SBF1: variants seen among roughly 807,000 people sequenced by gnomAD.
The protein encoded by SBF1 is myotubularin-related protein 5.
SBF1 carries 65 observed loss-of-function variants against 215.8 expected under a neutral mutation model. The observed-to-expected ratio is 0.30, with a 90% CI of 0.25 to 0.37. The LOEUF is 0.37. Ranked by LOEUF, SBF1 falls within the 10% of genes least tolerant of loss-of-function variation. The pLI is 1.00. For synonymous variants in SBF1, 1,410 were observed against 1,122.8 expected (o/e 1.26, Z -5.11); for missense variants, 2,634 against 2,667.8 (o/e 0.99, Z 0.28).
In SBF1 at chr22:50,448,581, T is replaced by G. The variant is rs1363779856; in HGVS notation, c.5113A>C (p.Lys1705Gln). 6.2e-6 allele frequency: 10 copies of G among 1,612,028 alleles called. No individual in the cohort carries two copies. The highest frequency in any genetic ancestry group is 1.3e-5 in the African/African-American group (1 of 74,948). The change falls in exon 37 of 41, where the codon AAG (lysine) becomes CAG (glutamine). Residue 1705 changes from lysine to glutamine, a missense_variant. Transcript: ENST00000380817. ...CGGCCCTCGAGGCGCTGTGCAGCCT[T>G]CACCCGGTCCCAGGTGTCCTTCCAG... ...ERWKDTWDRV[K>Q]AAQRLEGRPD...
intron 36 of SBF1, among the ~76,000 whole-genome samples, chr22:50,452,327 A>G (rs1169154816): frequency 1.3e-5 from 2 of 152,156 alleles, no homozygotes; most frequent in Non-Finnish European, 2.9e-5. Flanking sequence ...TAATAACCAG[A>G]CCAGATTATA....
At chr22:50,473,626 G>C (rs890996330) in intron 1 of SBF1, among the ~76,000 whole-genome samples, 2 of 152,174 alleles carry the variant, frequency 1.3e-5, no homozygotes, top group Non-Finnish European at 2.9e-5. Context: ...GGAAGTGTAG[G>C]GGGGTGTCCA....
Position 50,462,613 on chromosome 22 carries a change from C to T in SBF1, c.2073G>A (p.Gln691=). 2 of 1,612,708 alleles carry T rather than the reference C, an allele frequency of 1.2e-6. No homozygotes were observed. The highest frequency in any genetic ancestry group is 1.7e-6 in the Non-Finnish European group (2 of 1,179,764). Residue 691 remains glutamine (Q), a synonymous_variant, in exon 18 of 41, where the codon CAG becomes CAA. Coordinates refer to ENST00000380817, the MANE Select transcript of SBF1 (RefSeq NM_002972.4). ...CCAGGTAGAGGGCCCGGATGTGAGT[C>T]TGCACATCCCCATAGAACATGGCCT... ...FWEAMFYGDV[Q]THIRALYLEP...
rs544622584 is a variant in SBF1, at chr22:50,460,626, C to A, written c.3054G>T (p.Pro1018=). The A allele has an allele frequency of 1.9e-6, 3 of 1,613,942 alleles. No homozygotes were observed. Among genetic ancestry groups the A allele is most frequent in the Non-Finnish European group, 2.5e-6 (3 of 1,180,040 alleles). Residue 1018 remains proline (P), a synonymous_variant, in exon 24 of 41, where the codon CCG becomes CCT. Transcript: ENST00000380817. The stretch of plus-strand genomic sequence containing the variant: ...TGAACGCAAAGGTGGCCCTGATGTC[C>A]GGCGGGTACCGCAGCTTATGCAGCT... The part of the protein sequence containing the change: ...RKQLHKLRYP[P]DIRATFAFTL...
At chr22:50,457,363 C>T in intron 28 of SBF1, 2 of 420,548 alleles carry the variant, frequency 4.8e-6, no homozygotes, top group East Asian at 7.3e-5. Flanking sequence ...CCGGGCTCTC[C>T]TCTAACACTT....
rs190647894 is a variant in SBF1, at chr22:50,446,661, C to A, written c.*481G>T. 14 of 368,266 alleles carry A rather than the reference C, an allele frequency of 3.8e-5. No individual in the cohort carries two copies. Among genetic ancestry groups the A allele is most frequent in the Non-Finnish European group, 7.0e-5 (13 of 186,114 alleles). The allele number at this position is 368,266 out of a possible 1,614,324, so 22.8% of individuals were successfully genotyped here. On this transcript the variant is annotated 3_prime_UTR_variant, in exon 41 of 41. Coordinates refer to ENST00000380817, the MANE Select transcript of SBF1 (RefSeq NM_002972.4). ...AAGTCACTCCCAGGGACATGCAGGCCGAGCTGGGTGGACCCAGGCACCAGG... is the reference window on the plus strand; with the variant it reads ...AAGTCACTCCCAGGGACATGCAGGCAGAGCTGGGTGGACCCAGGCACCAGG...
chr22:50,472,670 G>C (rs893511200), intron 1 of SBF1, among the ~76,000 whole-genome samples: 3 of 152,156 alleles, frequency 2.0e-5, no homozygotes, highest in African/African-American at 4.8e-5. Context: ...CAACTGGCTC[G>C]AAGTCACAAG....
chr22:50,452,140 T>TAAA (rs374473892), intron 36 of SBF1, among the ~76,000 whole-genome samples: 14 of 113,172 alleles, frequency 1.2e-4, no homozygotes, highest in Non-Finnish European at 1.3e-4. Flanking sequence ...ACTGCTGAAT[T>TAAA]AAAAAAAAAA....
At position 50,460,174 on chromosome 22, in the gene SBF1, C is replaced by T. The variant is rs752655390; in HGVS notation, c.3284-15G>A. On this transcript the variant is annotated splice_polypyrimidine_tract_variant and intron_variant, in intron 25 of 40. Coordinates refer to ENST00000380817, the MANE Select transcript of SBF1 (RefSeq NM_002972.4). ...CTCCTCCGACACTGCACAGGCCGGG[C>T]ACACGTGGTCATCACGGGGCCACTC... 2 of 1,609,352 alleles carry T rather than the reference C, an allele frequency of 1.2e-6. No individual in the cohort carries two copies. The highest frequency in any genetic ancestry group is 1.7e-5 in the Admixed American group (1 of 59,994).
intron 1 of SBF1, among the ~76,000 whole-genome samples, chr22:50,472,039 G>A (rs1050479888): frequency 3.1e-4 from 47 of 152,336 alleles, no homozygotes; most frequent in African/African-American, 1.1e-3. Flanking sequence ...CCTCAGCACT[G>A]GCCACGCTGT....
chr22:50,450,384 G>C (rs1210173756), intron 36 of SBF1, among the ~76,000 whole-genome samples: 4 of 152,084 alleles, frequency 2.6e-5, no homozygotes, highest in Non-Finnish European at 5.9e-5. Context: ...AGCTGGGCAT[G>C]GTGGCGGGCA....
chr22:50,460,247 C>T, intron 25 of SBF1, 25 bp downstream of exon 25: 1 of 1,601,496 alleles, frequency 6.2e-7, no homozygotes, highest in Non-Finnish European at 8.5e-7. Flanking sequence ...AGAGACCACC[C>T]AGGACTCCAC....
intron 36 of SBF1, 42 bp downstream of exon 36, chr22:50,454,469 GA>G: frequency 1.3e-6 from 2 of 1,525,974 alleles, no homozygotes; most frequent in Non-Finnish European, 1.8e-6. Flanking sequence ...TGAGCGAGAG[GA>G]GGGGGGTGCC....
intron 29 of SBF1, 65 bp from the exon 30 acceptor site, chr22:50,456,738 G>T: frequency 7.3e-7 from 1 of 1,369,872 alleles, no homozygotes; most frequent in Non-Finnish European, 9.7e-7. Flanking sequence ...GGGGCTGGCT[G>T]GGCCCGGCCT....
Position 50,466,043 on chromosome 22 carries a change from C to T in SBF1, c.929G>A (p.Gly310Glu). Residue 310 changes from glycine to glutamate, a missense_variant, in exon 9 of 41, where the codon GGG becomes GAG. Physicochemically the swap from Gly to Glu is moderately conservative, Grantham distance 98 (BLOSUM62 -2). Coordinates refer to ENST00000380817, the MANE Select transcript of SBF1 (RefSeq NM_002972.4). Reference protein sequence around the residue: ...LDVIVADLDGGTVTIPECVHI... With the variant: ...LDVIVADLDGETVTIPECVHI... The stretch of plus-strand genomic sequence containing the variant: ...CACACACTCAGGAATGGTGACCGTC[C>T]CTCCATCCAGATCAGCAACAATCAC... 2 of 1,613,882 alleles carry T rather than the reference C, an allele frequency of 1.2e-6. No homozygotes were observed. The highest frequency in any genetic ancestry group is 1.7e-6 in the Non-Finnish European group (2 of 1,180,034).
intron 1 of SBF1, 116 bp downstream of exon 1, chr22:50,474,664 CTCCCGA>C (rs2068112823): frequency 2.5e-6 from 2 of 790,464 alleles, no homozygotes; most frequent in Non-Finnish European, 3.6e-6. Flanking sequence ...AGTCCTCGGC[CTCCCGA>C]CCCAGCCCCC....
chr22:50,454,891 C>A lies in SBF1; in HGVS notation c.4735G>T (p.Val1579Leu), dbSNP rs1349773838. The A allele has an allele frequency of 8.1e-6, 13 of 1,614,000 alleles. No homozygotes were observed. The highest frequency in any genetic ancestry group is 1.0e-5 in the Non-Finnish European group (12 of 1,180,026). Residue 1579 changes from valine to leucine, a missense_variant, in exon 35 of 41, where the codon GTG becomes TTG. Val to Leu is a conservative substitution (Grantham distance 32, BLOSUM62 1). Coordinates refer to ENST00000380817, the MANE Select transcript of SBF1 (RefSeq NM_002972.4). ...CTCAGCCGGTCCACATACTCCCACA[C>A]AGACCTGCACGGCACCTGGCCCCTG... ...ERRGQVPCRSVWEYVDRLSKR... is the reference protein window; with the variant it reads ...ERRGQVPCRSLWEYVDRLSKR...
Position 50,461,612 on chromosome 22 carries a change from G to A in SBF1, c.2750C>T (p.Ala917Val), listed in dbSNP as rs757587970. The A allele has an allele frequency of 6.2e-7, 1 of 1,611,902 alleles. No individual in the cohort carries two copies. The highest frequency in any genetic ancestry group is 2.2e-5 in the East Asian group (1 of 44,862). Residue 917 changes from alanine to valine, a missense_variant, in exon 22 of 41, where the codon GCT becomes GTT. Coordinates refer to ENST00000380817, the MANE Select transcript of SBF1 (RefSeq NM_002972.4). ...AGCTGGGAGCAATGCTGGTCCCCCA[G>A]CACTGCCCCCCGCGCCCTCCTCACG... ...DGREEGAGGS[A>V]GGPALLPAEG...
chr22:50,465,272 A>G lies in SBF1; in HGVS notation c.1146T>C (p.Tyr382=), dbSNP rs1427462637. 2 of 1,610,678 alleles carry G rather than the reference A, an allele frequency of 1.2e-6. No homozygotes were observed. Among genetic ancestry groups the G allele is most frequent in the Admixed American group, 3.4e-5 (2 of 59,432 alleles). ...LRLFAQLLQG[Y]RWCLHVVRIH... ...TGCGCACGACGTGCAGGCACCAGCG[A>G]TAGCCCTGCAGCAGCTGAGCGAACA... is the stretch of plus-strand genomic sequence containing the variant. The change falls in exon 11 of 41, where the codon TAT becomes TAC. Residue 382 remains tyrosine, a synonymous_variant. Coordinates refer to ENST00000380817, the MANE Select transcript of SBF1 (RefSeq NM_002972.4).
Sources: gnomAD v4.1 joint callset for allele counts (sites outside exome capture counted in the v4.1 genomes callset) on GRCh38, gnomAD v4.1.1 for gene constraint, MANE v1.5 for transcripts, NCBI Gene and HGNC (gene_info 2026-07-23, HGNC 2026-07-21) for gene names.